The following SPRY3 variants were observed in gnomAD, a reference collection of about 807,000 sequenced individuals.
SPRY3 encodes protein sprouty homolog 3.
A neutral mutation model predicts 20.2 loss-of-function variants in SPRY3; 15 were observed. The ratio of observed to expected loss-of-function variants is 0.74; its 90% CI spans 0.50 to 1.14. The LOEUF is 1.14. SPRY3 is among the 50% of genes most tolerant of loss of function. The pLI is 0.00. For missense variants in SPRY3, 364 were observed against 363.9 expected (o/e 1.00, Z 0.00); for synonymous variants, 143 against 136.5 (o/e 1.05, Z -0.33).
At chrX:155,681,151 A>G (rs995970835) in intron 2 of SPRY3, among the ~76,000 whole-genome samples, 2 of 111,484 alleles carry the variant, frequency 1.8e-5, no homozygotes, top group Non-Finnish European at 3.8e-5. Flanking sequence ...CATAATTTCT[A>G]CATGTTGTGG....
At chrX:155,722,277 C>T (rs764512448) in intron 2 of SPRY3, among the ~76,000 whole-genome samples, 2 of 152,232 alleles carry the variant, frequency 1.3e-5, no homozygotes, top group African/African-American at 4.8e-5. Flanking sequence ...AATCTCAGCA[C>T]TTTGGGAGGT....
intron 2 of SPRY3, among the ~76,000 whole-genome samples, chrX:155,735,738 TTG>T (rs2091164240): frequency 6.6e-6 from 1 of 152,032 alleles, no homozygotes; most frequent in Non-Finnish European, 1.5e-5. Context: ...CAACATATAG[TTG>T]GTTCTTTGTT....
Position 155,774,579 on chromosome X carries a change from C to A in SPRY3, c.708C>A (p.Cys236Ter). The stretch of plus-strand genomic sequence containing the variant: ...TCTCCCTCTTCCTACCCTGCCTGTG[C>A]TGCTACCTGCCTACCCGTGGATGCC... The change falls in exon 4 of 4, where the codon TGC (cysteine) becomes TGA (stop). Residue 236 changes from cysteine to a stop codon, truncating the protein, a stop_gained. Coordinates refer to ENST00000675360, the Ensembl canonical transcript of SPRY3. LOFTEE classifies it high-confidence loss of function. The A allele has an allele frequency of 6.2e-7, 1 of 1,613,868 alleles. No individual in the cohort carries two copies. The highest frequency in any genetic ancestry group is 8.5e-7 in the Non-Finnish European group (1 of 1,179,728).
At chrX:155,763,144 T>A (rs140530302) in intron 2 of SPRY3, among the ~76,000 whole-genome samples, 7,991 of 152,204 alleles carry the variant, frequency 0.053, 679 homozygotes, top group African/African-American at 0.18. Context: ...TTCTCACTTA[T>A]AAGTGGGAGC....
At chrX:155,750,395 A>T (rs1186985912) in intron 2 of SPRY3, among the ~76,000 whole-genome samples, 1 of 151,896 alleles carries the variant, frequency 6.6e-6, no homozygotes, top group East Asian at 1.9e-4. Context: ...TACTCATGTA[A>T]CAAACCTGCA....
chrX:155,735,537 G>A (rs1026809522), intron 2 of SPRY3, among the ~76,000 whole-genome samples: 3 of 151,968 alleles, frequency 2.0e-5, no homozygotes, highest in African/African-American at 7.2e-5. Flanking sequence ...TCTTCTTAGA[G>A]AATTGACCCC....
intron 2 of SPRY3, among the ~76,000 whole-genome samples, chrX:155,727,253 A>T (rs1348364822): frequency 6.6e-6 from 1 of 151,628 alleles, no homozygotes; most frequent in Non-Finnish European, 1.5e-5. Context: ...TTTCATTTCA[A>T]CCTTGGTAAA....
intron 2 of SPRY3, among the ~76,000 whole-genome samples, chrX:155,716,115 G>T (rs899074091): frequency 6.6e-5 from 10 of 152,146 alleles, no homozygotes; most frequent in African/African-American, 2.4e-4. Flanking sequence ...CAGCAGGGGG[G>T]ATGAACAGTG....
intron 1 of SPRY3, among the ~76,000 whole-genome samples, chrX:155,629,679 A>AC (rs1434818771): frequency 1.8e-5 from 2 of 111,527 alleles, no homozygotes; most frequent in Admixed American, 9.5e-5. Flanking sequence ...TTGTTTCCTG[A>AC]CTTTTTAATG....
chrX:155,659,103 T>TCTTC (rs1407387768), intron 2 of SPRY3, among the ~76,000 whole-genome samples: 3 of 92,710 alleles, frequency 3.2e-5, no homozygotes, highest in African/African-American at 8.2e-5. Context: ...TTTTTTTCTT[T>TCTTC]CTTCTTTCTT....
At chrX:155,782,349 G>A (rs1291327906) in exon 2 of SPRY3, 3 of 166,822 alleles carry the variant, frequency 1.8e-5, no homozygotes, top group Admixed American at 6.6e-5. Context: ...CAATCCCATC[G>A]TATCCATCCT....
At chrX:155,752,448 G>A (rs2091268076) in intron 2 of SPRY3, among the ~76,000 whole-genome samples, 1 of 151,550 alleles carries the variant, frequency 6.6e-6, no homozygotes, top group African/African-American at 2.4e-5. Context: ...AGTATTATAA[G>A]TTAATTAAAA....
intron 2 of SPRY3, among the ~76,000 whole-genome samples, chrX:155,724,361 T>C (rs1316629960): frequency 2.6e-5 from 4 of 152,180 alleles, no homozygotes; most frequent in Non-Finnish European, 4.4e-5. Context: ...ATTGAATCTA[T>C]AAATTACCTT....
chrX:155,639,412 T>A (rs2067934133), intron 1 of SPRY3, among the ~76,000 whole-genome samples: 1 of 112,161 alleles, frequency 8.9e-6, no homozygotes. Context: ...TTCGAAGTTG[T>A]AGTTAACAAT....
In SPRY3 at chrX:155,722,792, C is replaced by CAT. The variant is rs763522448; in HGVS notation, c.-281-45156_-281-45155dup. On this transcript the variant is annotated intron_variant, in intron 2 of 3. Coordinates refer to ENST00000675360, the Ensembl canonical transcript of SPRY3. ...ATTGGCTACAAGAGAAACACTTCAC[C>CAT]ATATATATATATATAAGTTCTAGGG... Among the ~76,000 whole-genome samples the CAT allele has an allele frequency of 9.0e-4, 134 of 149,110 alleles. 1 individual carries two copies. In the Middle Eastern group the frequency reaches 0.01, roughly 12 times the overall value.
intron 2 of SPRY3, among the ~76,000 whole-genome samples, chrX:155,684,499 T>A (rs2068082285): frequency 8.9e-6 from 1 of 112,037 alleles, no homozygotes; most frequent in South Asian, 3.7e-4. Context: ...TCAATTGGAA[T>A]GTAGAAACCT....
intron 2 of SPRY3, among the ~76,000 whole-genome samples, chrX:155,683,186 G>C (rs2068078542): frequency 8.9e-6 from 1 of 112,437 alleles, no homozygotes; most frequent in South Asian, 3.7e-4. Flanking sequence ...ATAAAGCAGT[G>C]GTCTGGTTTG....
chrX:155,746,674 C>A (rs182522185), intron 2 of SPRY3, among the ~76,000 whole-genome samples: 177 of 151,986 alleles, frequency 1.2e-3, no homozygotes, highest in African/African-American at 3.9e-3. Context: ...CTTAAGTTCT[C>A]GGACATTAAT....
chrX:155,664,830 G>A (rs1056333581), intron 2 of SPRY3, among the ~76,000 whole-genome samples: 1 of 109,302 alleles, frequency 9.1e-6, no homozygotes, highest in African/African-American at 3.3e-5. Flanking sequence ...TAAGAAAAAA[G>A]AGAACAGTAG....
Sources: allele counts gnomAD v4.1 joint callset (sites outside exome capture counted in the v4.1 genomes callset), GRCh38; gene constraint gnomAD v4.1.1; transcripts MANE v1.5; gene names NCBI Gene and HGNC (gene_info 2026-07-23, HGNC 2026-07-21).